Variants in USP50 observed in about 807,000 individuals in gnomAD.
The protein encoded by USP50 is ubiquitin specific peptidase 50, also known as ubiquitin carboxyl-terminal hydrolase 50.
USP50 carries 37 observed loss-of-function variants against 39.2 expected under a neutral mutation model. That is an observed-to-expected ratio of 0.94 (90% CI 0.73 to 1.24). The LOEUF (loss-of-function observed/expected upper bound fraction) is 1.24, where lower values mean the gene tolerates loss of function less well. Among genes scored for constraint, USP50 ranks in the 50% most tolerant of loss-of-function variants. USP50 has a pLI of 0.00. For missense variants in USP50, 374 were observed against 398.2 expected (o/e 0.94, Z 0.52); for synonymous variants, 139 against 144.5 (o/e 0.96, Z 0.27).
rs1338328896 is a variant in USP50, at chr15:50,541,071, G to A, written c.638C>T (p.Ser213Phe). 5.0e-6 allele frequency: 8 copies of A among 1,613,790 alleles called. No homozygotes were observed. The highest frequency in any genetic ancestry group is 6.8e-6 in the Non-Finnish European group (8 of 1,179,714). Residue 213 changes from serine to phenylalanine, a missense_variant, in exon 4 of 7, where the codon TCC becomes TTC. Coordinates refer to ENST00000532404, the MANE Select transcript of USP50 (RefSeq NM_203494.5). The part of the protein sequence containing the change: ...VFTVFSLPIP[S>F]KYECSLRDCL... Reference sequence around the variant, plus strand: ...TACCCGAAGGGAGCATTCATATTTGGATGGAATGGGGAGTGAGAAGACAGT... The same window carrying A: ...TACCCGAAGGGAGCATTCATATTTGAATGGAATGGGGAGTGAGAAGACAGT...
chr15:50,524,131 G>C (rs1178601331), intron 6 of USP50, among the ~76,000 whole-genome samples: 1 of 152,200 alleles, frequency 6.6e-6, no homozygotes, highest in Non-Finnish European at 1.5e-5. Flanking sequence ...GCTCAAAATG[G>C]ATTAAAGACT....
chr15:50,544,379 A>T (rs2053054588), intron 2 of USP50, among the ~76,000 whole-genome samples: 1 of 151,796 alleles, frequency 6.6e-6, no homozygotes, highest in African/African-American at 2.4e-5. Context: ...ACAATAAAAA[A>T]AAATAAAAAA....
At chr15:50,500,998 T>C in intron 6 of USP50, 161 bp from the exon 7 acceptor site, 2 of 597,734 alleles carry the variant, frequency 3.3e-6, no homozygotes, top group Non-Finnish European at 6.0e-6. Context: ...CTGACTGCTA[T>C]ATTGCTTCTC....
At chr15:50,494,285 G>A in intron 1 of USP50, 2 of 1,591,512 alleles carry the variant, frequency 1.3e-6, no homozygotes, top group Non-Finnish European at 1.7e-6. Context: ...AATAAAGTAA[G>A]AAATTTGATT....
At chr15:50,520,868 C>T (rs188529756) in intron 6 of USP50, among the ~76,000 whole-genome samples, 13 of 152,086 alleles carry the variant, frequency 8.5e-5, no homozygotes, top group African/African-American at 2.2e-4. Context: ...TAGATACAAA[C>T]GTGGATAGAA....
At chr15:50,523,175 C>CTTTTTTTTTTTTTTTTTTTT (rs57450027) in intron 6 of USP50, among the ~76,000 whole-genome samples, 2 of 104,208 alleles carry the variant, frequency 1.9e-5, no homozygotes, top group Non-Finnish European at 3.7e-5. Flanking sequence ...AAATCAGTAG[C>CTTTTTTTTTTTTTTTTTTTT]TTTTTTTTTT....
At chr15:50,536,187 C>T (rs1170806210) in intron 5 of USP50, among the ~76,000 whole-genome samples, 4 of 152,006 alleles carry the variant, frequency 2.6e-5, no homozygotes, top group Admixed American at 6.6e-5. Context: ...GAAATAAAAC[C>T]GTCTTTGTCT....
At position 50,525,598 on chromosome 15, in the gene USP50, A is replaced by ATGTATATG. The variant is rs2052886134; in HGVS notation, c.936+4191_936+4198dup. Among the ~76,000 whole-genome samples, 4 of 144,828 alleles carry ATGTATATG rather than the reference A, an allele frequency of 2.8e-5. No individual in the cohort carries two copies. The Admixed American group carries it at 2.9e-4, about 10-fold the overall frequency. On this transcript the variant is annotated intron_variant, in intron 6 of 6. Coordinates refer to ENST00000532404, the MANE Select transcript of USP50 (RefSeq NM_203494.5). ...TATATGTATATATGTATATGTATAT[A>ATGTATATG]TGTATATGTATATATGTATATATGT...
chr15:50,500,770 C>A lies in USP50; in HGVS notation c.1004G>T (p.Ter335LeuextTer38). 1 of 1,586,216 alleles carries A rather than the reference C, an allele frequency of 6.3e-7. No homozygotes were observed. The highest frequency in any genetic ancestry group is 8.6e-7 in the Non-Finnish European group (1 of 1,165,504). ...GACTCGTGTGTTATCAAAGCTATATCAGGCCTGGGTGACTGAATTCTTGCA... is the reference window on the plus strand; with the variant it reads ...GACTCGTGTGTTATCAAAGCTATATAAGGCCTGGGTGACTGAATTCTTGCA... ...AFCKNSVTQA[*>L] is the part of the protein sequence containing the mutation. The change falls in exon 7 of 7, where the codon TGA becomes TTA. Residue 335 changes from the stop codon to leucine (L), a stop_lost. Transcript: ENST00000532404.
chr15:50,514,565 C>T (rs1034867790), intron 6 of USP50: 2 of 152,336 alleles, frequency 1.3e-5, no homozygotes, highest in African/African-American at 4.8e-5. Flanking sequence ...GGGAGTCTCG[C>T]TGTGTCACCA....
intron 5 of USP50, among the ~76,000 whole-genome samples, chr15:50,533,735 C>T (rs1227126583): frequency 6.6e-6 from 1 of 152,178 alleles, no homozygotes; most frequent in Admixed American, 6.5e-5. Context: ...CACGGTGGCT[C>T]ATGCCTGTAA....
intron 5 of USP50, among the ~76,000 whole-genome samples, chr15:50,538,292 A>G (rs2052999277): frequency 6.7e-6 from 1 of 150,022 alleles, no homozygotes; most frequent in African/African-American, 2.4e-5. Context: ...AAAAAAAAAA[A>G]AAAAAAAAGA....
At chr15:50,498,488 T>G, downstream of USP50, 1 of 1,373,720 alleles carries the variant, frequency 7.3e-7, no homozygotes, top group Non-Finnish European at 9.7e-7. Flanking sequence ...CAAGTCTTTG[T>G]ATTTGAAATG....
At chr15:50,536,376 C>A (rs538184196) in intron 5 of USP50, among the ~76,000 whole-genome samples, 1 of 152,272 alleles carries the variant, frequency 6.6e-6, no homozygotes, top group South Asian at 2.1e-4. Flanking sequence ...CATGGTGGCT[C>A]ACACCTGTAA....
chr15:50,532,163 A>C (rs1167415940), intron 5 of USP50: 3 of 456,160 alleles, frequency 6.6e-6, no homozygotes, highest in Non-Finnish European at 1.3e-5. Flanking sequence ...CACTTTGTGA[A>C]TTTTCCTTCC....
At chr15:50,542,797 T>C (rs2053040764) in intron 3 of USP50, among the ~76,000 whole-genome samples, 1 of 152,172 alleles carries the variant, frequency 6.6e-6, no homozygotes, top group Non-Finnish European at 1.5e-5. Flanking sequence ...CCATGAGTAC[T>C]TTTTTATTAC....
intron 6 of USP50, among the ~76,000 whole-genome samples, chr15:50,525,713 ATG>A (rs1373296416): frequency 2.9e-5 from 2 of 70,120 alleles, no homozygotes; most frequent in Admixed American, 1.7e-4. Flanking sequence ...ATATGTATAT[ATG>A]TATATGTATA....
At chr15:50,519,093 C>T (rs908439871) in intron 6 of USP50, among the ~76,000 whole-genome samples, 1 of 151,492 alleles carries the variant, frequency 6.6e-6, no homozygotes, top group Non-Finnish European at 1.5e-5. Flanking sequence ...TTGAGACTAG[C>T]CTGAGCAGCA....
intron 6 of USP50, among the ~76,000 whole-genome samples, chr15:50,520,459 A>G (rs1269767765): frequency 6.6e-6 from 1 of 151,704 alleles, no homozygotes; most frequent in Non-Finnish European, 1.5e-5. Context: ...ATGCCACAAT[A>G]CCCAGCTAAT....
Sources: gnomAD v4.1 joint callset for allele counts (sites outside exome capture counted in the v4.1 genomes callset) on GRCh38, gnomAD v4.1.1 for gene constraint, MANE v1.5 for transcripts, NCBI Gene and HGNC (gene_info 2026-07-23, HGNC 2026-07-21) for gene names.